Variants in MSR1 observed in about 807,000 individuals in gnomAD.
MSR1 encodes macrophage scavenger receptor 1, also known as macrophage scavenger receptor types I and II.
In MSR1, 53 loss-of-function variants were observed where a neutral mutation model predicts 47.2. The ratio of observed to expected loss-of-function variants is 1.12; its 90% CI spans 0.90 to 1.41. MSR1 has a LOEUF of 1.41. Among genes scored for constraint, MSR1 ranks in the 40% most tolerant of loss-of-function variants. MSR1 has a pLI of 0.00. For synonymous variants in MSR1, 239 were observed against 185.6 expected (o/e 1.29, Z -2.34); for missense variants, 786 against 546.9 (o/e 1.44, Z -4.36).
intron 8 of MSR1, among the ~76,000 whole-genome samples, chr8:16,121,594 T>C (rs1585137057): frequency 6.6e-6 from 1 of 151,852 alleles, no homozygotes; most frequent in African/African-American, 2.4e-5. Context: ...AAGAACAGAA[T>C]GAAAGGCAGA....
chr8:16,181,179 T>G (rs1261407422), intron 1 of MSR1, among the ~76,000 whole-genome samples: 6 of 152,206 alleles, frequency 3.9e-5, no homozygotes, highest in Non-Finnish European at 1.5e-5. Context: ...AAAATATAGT[T>G]GAATAATTCA....
Position 16,155,100 on chromosome 8 carries a change from C to A in MSR1, c.862G>T (p.Gly288Ter), listed in dbSNP as rs749841434. ...GGAAATCCTCGTGGACCACTTTCTC[C>A]AGTGGGACCTCGATCTCCTTTTTCA... ...PGEKGDRGPT[G>*]ESGPRGFPGP... Residue 288 changes from glycine to a stop codon, truncating the protein, a stop_gained, in exon 6 of 10, where the codon GGA (glycine) becomes TGA (stop). Coordinates refer to ENST00000262101, the MANE Select transcript of MSR1 (RefSeq NM_138715.3). LOFTEE classifies it high-confidence loss of function. 1.9e-6 allele frequency: 3 copies of A among 1,612,142 alleles called. No homozygotes were observed. The African/African-American group carries it at 4.0e-5, about 22-fold the overall frequency.
intron 8 of MSR1, among the ~76,000 whole-genome samples, chr8:16,123,638 C>T (rs1333088729): frequency 1.3e-5 from 2 of 151,260 alleles, no homozygotes; most frequent in Non-Finnish European, 2.9e-5. Flanking sequence ...TTTGTGTAGA[C>T]ATTTTCTACA....
At chr8:16,114,130 A>T (rs1799823619) in intron 9 of MSR1, among the ~76,000 whole-genome samples, 1 of 151,998 alleles carries the variant, frequency 6.6e-6, no homozygotes, top group Non-Finnish European at 1.5e-5. Flanking sequence ...TGACCCTTTG[A>T]TATATTTATT....
chr8:16,164,023 A>C (rs539811193), intron 5 of MSR1, 42 bp downstream of exon 5: 1 of 1,445,290 alleles, frequency 6.9e-7, no homozygotes, highest in Admixed American at 1.8e-5. Context: ...AGTATATTTT[A>C]ATATATATAT....
At chr8:16,116,962 A>T (rs933709634) in intron 9 of MSR1, among the ~76,000 whole-genome samples, 16 of 151,888 alleles carry the variant, frequency 1.1e-4, no homozygotes, top group African/African-American at 3.6e-4. Flanking sequence ...ATATACTACT[A>T]CTGTTGCTCT....
At chr8:16,183,816 A>G (rs1801913064) in intron 1 of MSR1, among the ~76,000 whole-genome samples, 1 of 141,248 alleles carries the variant, frequency 7.1e-6, no homozygotes, top group Non-Finnish European at 1.5e-5. Flanking sequence ...TGGCAAATAT[A>G]TTATATATTA....
chr8:16,188,254 CT>C (rs1802059638), intron 1 of MSR1, among the ~76,000 whole-genome samples: 1 of 151,900 alleles, frequency 6.6e-6, no homozygotes, highest in African/African-American at 2.4e-5. Flanking sequence ...ATATACCTTA[CT>C]TTTTTGTTTT....
At chr8:16,189,026 A>C (rs2116946070) in intron 1 of MSR1, among the ~76,000 whole-genome samples, 1 of 145,822 alleles carries the variant, frequency 6.9e-6, no homozygotes, top group South Asian at 2.1e-4. Context: ...GTGTTGAATT[A>C]TTATGTAGCA....
intron 8 of MSR1, among the ~76,000 whole-genome samples, chr8:16,133,810 A>G (rs953304436): frequency 1.3e-5 from 2 of 152,128 alleles, no homozygotes; most frequent in Admixed American, 6.6e-5. Flanking sequence ...TTTCCACTGA[A>G]AGCTCTGCTG....
chr8:16,117,124 G>A (rs926177456), intron 9 of MSR1, among the ~76,000 whole-genome samples: 2 of 152,156 alleles, frequency 1.3e-5, no homozygotes, highest in Non-Finnish European at 2.9e-5. Flanking sequence ...AGCAGGAGGT[G>A]AGCAGCAGGT....
chr8:16,125,472 G>C (rs1365512143), intron 8 of MSR1, among the ~76,000 whole-genome samples: 1 of 152,030 alleles, frequency 6.6e-6, no homozygotes, highest in Admixed American at 6.6e-5. Context: ...ACATATCTCT[G>C]CTGATTCATT....
At chr8:16,164,625 C>T (rs1472061379) in intron 4 of MSR1, among the ~76,000 whole-genome samples, 1 of 151,890 alleles carries the variant, frequency 6.6e-6, no homozygotes, top group East Asian at 1.9e-4. Flanking sequence ...GCAACATAGT[C>T]AAATTTCGTG....
At chr8:16,123,891 G>A (rs1001754859) in intron 8 of MSR1, among the ~76,000 whole-genome samples, 4 of 152,098 alleles carry the variant, frequency 2.6e-5, no homozygotes, top group African/African-American at 7.2e-5. Flanking sequence ...TTGTACTCAA[G>A]CTTCTTTCTG....
At chr8:16,156,325 A>G (rs1563156546) in intron 5 of MSR1, among the ~76,000 whole-genome samples, 2 of 151,992 alleles carry the variant, frequency 1.3e-5, no homozygotes, top group Non-Finnish European at 2.9e-5. Context: ...GGTGGGAGAC[A>G]TAATACCCGA....
At chr8:16,144,351 G>GT (rs972063485) in intron 7 of MSR1, among the ~76,000 whole-genome samples, 3 of 151,634 alleles carry the variant, frequency 2.0e-5, no homozygotes, top group Non-Finnish European at 1.5e-5. Context: ...TGCTTATTGA[G>GT]TTTTTTTTCC....
Position 16,149,491 on chromosome 8 carries a change from T to A in MSR1, c.979+740A>T, listed in dbSNP as rs538748815. Among the ~76,000 whole-genome samples, 3 of 152,104 alleles carry A rather than the reference T, an allele frequency of 2.0e-5. No homozygotes were observed. The South Asian group carries it at 6.2e-4, about 32-fold the overall frequency. On this transcript the variant is annotated intron_variant, in intron 7 of 9. Coordinates refer to ENST00000262101, the MANE Select transcript of MSR1 (RefSeq NM_138715.3). ...AATCCTCCCACCTCAGCGTCTCAAA[T>A]AGCTGGGACTACAGGTACTCACCTC...
intron 8 of MSR1, among the ~76,000 whole-genome samples, chr8:16,137,719 G>A (rs1028499999): frequency 6.6e-6 from 1 of 152,172 alleles, no homozygotes; most frequent in East Asian, 1.9e-4. Context: ...TGGGTTGGGT[G>A]TAGTGGCTCA....
Position 16,168,478 on chromosome 8 carries a change from T to C in MSR1, c.610A>G (p.Asn204Asp). 6.2e-7 allele frequency: 1 copy of C among 1,614,144 alleles called. No individual in the cohort carries two copies. The highest frequency in any genetic ancestry group is 8.5e-7 in the Non-Finnish European group (1 of 1,180,004). ...IENLNGKIQE[N>D]TFKQQEEISK... ...CTTACCTCTTGTTGTTTGAAGGTAT[T>C]CTCTTGGATTTTGCCATTCAGATTT... Residue 204 changes from asparagine to aspartate, a missense_variant, in exon 4 of 10, where the codon AAT (asparagine) becomes GAT (aspartate). By Grantham distance (23) the Asn-to-Asp change is conservative (BLOSUM62 1). Coordinates refer to ENST00000262101, the MANE Select transcript of MSR1 (RefSeq NM_138715.3).
Sources: gnomAD v4.1 joint callset for allele counts (sites outside exome capture counted in the v4.1 genomes callset) on GRCh38, gnomAD v4.1.1 for gene constraint, MANE v1.5 for transcripts, NCBI Gene and HGNC (gene_info 2026-07-23, HGNC 2026-07-21) for gene names.